Variants in ZHX2 observed in about 807,000 individuals in gnomAD.
The protein encoded by ZHX2 is zinc fingers and homeoboxes 2, also known as zinc fingers and homeoboxes protein 2.
In ZHX2, 6 loss-of-function variants were observed where a neutral mutation model predicts 21.9. The observed-to-expected ratio is 0.27, with a 90% CI of 0.15 to 0.54. The LOEUF (loss-of-function observed/expected upper bound fraction) is 0.54, where lower values mean the gene tolerates loss of function less well. Ranked by LOEUF, ZHX2 falls within the 20% of genes least tolerant of loss-of-function variation. The pLI is 0.95. For missense variants in ZHX2, 908 were observed against 1,090.7 expected (o/e 0.83, Z 2.36); for synonymous variants, 434 against 437.1 (o/e 0.99, Z 0.09).
chr8:122,924,737 A>G (rs1820812420), intron 2 of ZHX2, among the ~76,000 whole-genome samples: 1 of 152,220 alleles, frequency 6.6e-6, no homozygotes, highest in Non-Finnish European at 1.5e-5. Context: ...GAATGATTGA[A>G]TGAACCGATT....
chr8:122,947,684 AG>A (rs1447640203), intron 2 of ZHX2, among the ~76,000 whole-genome samples: 2 of 152,092 alleles, frequency 1.3e-5, no homozygotes, highest in African/African-American at 4.8e-5. Context: ...TGTCAGCAAA[AG>A]CCTCTCTGTG....
intron 2 of ZHX2, among the ~76,000 whole-genome samples, chr8:122,930,666 T>C (rs1374129225): frequency 6.6e-6 from 1 of 151,934 alleles, no homozygotes; most frequent in African/African-American, 2.4e-5. Context: ...TTTTTATTTT[T>C]TTCAGTAGAG....
chr8:122,955,875 C>T (rs1813287177), intron 3 of ZHX2, among the ~76,000 whole-genome samples: 1 of 129,994 alleles, frequency 7.7e-6, no homozygotes, highest in Non-Finnish European at 1.6e-5. Flanking sequence ...GACAGAGTCT[C>T]ACTCTGTTGC....
intron 1 of ZHX2, among the ~76,000 whole-genome samples, chr8:122,838,959 A>G (rs1204957138): frequency 6.6e-6 from 1 of 152,244 alleles, no homozygotes; most frequent in Non-Finnish European, 1.5e-5. Flanking sequence ...AGAAAAACAC[A>G]TAATGCATGA....
chr8:122,821,718 T>A (rs149381700), intron 1 of ZHX2, among the ~76,000 whole-genome samples: 1 of 151,760 alleles, frequency 6.6e-6, no homozygotes, highest in African/African-American at 2.4e-5. Context: ...ATTTATTTAT[T>A]TATTTAGAGA....
At position 122,849,308 on chromosome 8, in the gene ZHX2, C is replaced by G. The variant is rs187009996; in HGVS notation, c.-282-14169C>G. ...GCTAGACATTCCCAGCTCTGCTACT[C>G]ACTTGCTGTGTGGCTTTGGGCAAGT... On this transcript the variant is annotated intron_variant, in intron 1 of 3. Coordinates refer to ENST00000314393, the MANE Select transcript of ZHX2 (RefSeq NM_014943.5). 2.0e-5 allele frequency among the ~76,000 whole-genome samples: 3 copies of G among 152,306 alleles called. No individual in the cohort carries two copies. The East Asian group carries it at 5.8e-4, about 29-fold the overall frequency.
intron 1 of ZHX2, among the ~76,000 whole-genome samples, chr8:122,803,889 G>A (rs1268970568): frequency 6.6e-6 from 1 of 152,144 alleles, no homozygotes; most frequent in Non-Finnish European, 1.5e-5. Flanking sequence ...AGCCTGCTGG[G>A]CGGCCTGTTT....
intron 3 of ZHX2, among the ~76,000 whole-genome samples, chr8:122,957,973 T>C (rs1387627737): frequency 6.6e-6 from 1 of 152,264 alleles, no homozygotes; most frequent in Non-Finnish European, 1.5e-5. Flanking sequence ...GATGTCCCTA[T>C]TTAAATACTT....
intron 3 of ZHX2, among the ~76,000 whole-genome samples, chr8:122,970,990 T>G (rs1376401084): frequency 6.6e-6 from 1 of 152,238 alleles, no homozygotes; most frequent in Non-Finnish European, 1.5e-5. Flanking sequence ...ATCAGGAGGC[T>G]CTGAAGTTGG....
chr8:122,866,083 G>A (rs751967145), intron 2 of ZHX2, among the ~76,000 whole-genome samples: 1 of 152,208 alleles, frequency 6.6e-6, no homozygotes, highest in African/African-American at 2.4e-5. Context: ...AGTGAATGGG[G>A]ACACCCTTAC....
intron 1 of ZHX2, among the ~76,000 whole-genome samples, chr8:122,841,398 TC>T (rs1312305614): frequency 6.6e-6 from 1 of 152,120 alleles, no homozygotes; most frequent in Admixed American, 6.5e-5. Flanking sequence ...CCTAGAGATC[TC>T]CCTATCCACC....
intron 2 of ZHX2, among the ~76,000 whole-genome samples, chr8:122,909,611 C>G (rs892374653): frequency 6.6e-6 from 1 of 152,108 alleles, no homozygotes; most frequent in African/African-American, 2.4e-5. Flanking sequence ...CCTCTCCCCC[C>G]CACAACCTGT....
At chr8:122,926,384 T>C (rs186737093) in intron 2 of ZHX2, among the ~76,000 whole-genome samples, 4 of 152,328 alleles carry the variant, frequency 2.6e-5, no homozygotes, top group Admixed American at 2.6e-4. Context: ...AAAGGCTATG[T>C]CCTGCACTAG....
intron 1 of ZHX2, among the ~76,000 whole-genome samples, chr8:122,822,968 C>T (rs1447919178): frequency 6.6e-6 from 1 of 152,234 alleles, no homozygotes; most frequent in African/African-American, 2.4e-5. Flanking sequence ...AAAGTCCAGA[C>T]AGCCTCCTCT....
At chr8:122,793,328 G>C (rs1456036885) in intron 1 of ZHX2, among the ~76,000 whole-genome samples, 1 of 152,208 alleles carries the variant, frequency 6.6e-6, no homozygotes, top group East Asian at 1.9e-4. Flanking sequence ...TGGACATCCA[G>C]GCCCTCTTCA....
intron 1 of ZHX2, chr8:122,809,116 C>T (rs1361710395): frequency 6.6e-6 from 1 of 152,204 alleles, no homozygotes; most frequent in African/African-American, 2.4e-5. Context: ...GAGACTCAGC[C>T]CCTGAAGTGA....
At position 122,821,815 on chromosome 8, in the gene ZHX2, A is replaced by T. The variant is rs183210687; in HGVS notation, c.-283+39869A>T. Among the ~76,000 whole-genome samples, 3 of 152,096 alleles carry T rather than the reference A, an allele frequency of 2.0e-5. No homozygotes were observed. The East Asian group carries it at 5.8e-4, about 30-fold the overall frequency. ...CAACTCCTGGTTTCAAGTGATTCTC[A>T]TGCCTCAGCCTCCCGAGTAGCTGGG... On this transcript the variant is annotated intron_variant, in intron 1 of 3. Coordinates refer to ENST00000314393, the MANE Select transcript of ZHX2 (RefSeq NM_014943.5).
At chr8:122,894,806 A>T (rs547783611) in intron 2 of ZHX2, among the ~76,000 whole-genome samples, 35 of 152,138 alleles carry the variant, frequency 2.3e-4, no homozygotes, top group South Asian at 4.2e-4. Context: ...TAAAAAATTT[A>T]AAAAAAATCC....
intron 1 of ZHX2, among the ~76,000 whole-genome samples, chr8:122,820,350 G>T (rs1011572261): frequency 6.6e-6 from 1 of 152,168 alleles, no homozygotes; most frequent in African/African-American, 2.4e-5. Context: ...TGGCCACAGG[G>T]GCCTGTGGAG....
Sources: allele counts gnomAD v4.1 joint callset (sites outside exome capture counted in the v4.1 genomes callset), GRCh38; gene constraint gnomAD v4.1.1; transcripts MANE v1.5; gene names NCBI Gene and HGNC (gene_info 2026-07-23, HGNC 2026-07-21).